Variants in RNF111 observed in about 807,000 individuals in gnomAD.
The protein encoded by RNF111 is ring finger protein 111.
In RNF111, 17 loss-of-function variants were observed where a neutral mutation model predicts 95.1. The observed-to-expected ratio is 0.18, with a 90% CI of 0.12 to 0.27. The LOEUF is 0.27. Among genes scored for constraint, RNF111 ranks in the 10% least tolerant of loss-of-function variants. RNF111 has a pLI of 1.00. For missense variants in RNF111, 1,189 were observed against 1,210.4 expected (o/e 0.98, Z 0.26); for synonymous variants, 440 against 414.8 (o/e 1.06, Z -0.74).
chr15:59,085,323 C>A (rs891718315), intron 9 of RNF111, among the ~76,000 whole-genome samples: 4 of 152,078 alleles, frequency 2.6e-5, no homozygotes, highest in Non-Finnish European at 5.9e-5. Flanking sequence ...TTCAGATACA[C>A]CAAAAAAGTA....
At chr15:59,041,049 T>C (rs1482992427) in intron 2 of RNF111, among the ~76,000 whole-genome samples, 1 of 152,152 alleles carries the variant, frequency 6.6e-6, no homozygotes, top group African/African-American at 2.4e-5. Context: ...TGTCTCTTGC[T>C]TTTTTCACTT....
chr15:59,043,413 T>C (rs578109686), intron 2 of RNF111, among the ~76,000 whole-genome samples: 33 of 152,316 alleles, frequency 2.2e-4, no homozygotes, highest in African/African-American at 7.5e-4. Flanking sequence ...TGCCTTGGCC[T>C]TGCAAAGTGC....
intron 7 of RNF111, among the ~76,000 whole-genome samples, chr15:59,078,718 G>A (rs948860466): frequency 2.0e-5 from 3 of 152,156 alleles, no homozygotes; most frequent in African/African-American, 7.2e-5. Flanking sequence ...AACTAGCCGG[G>A]TGTGGTGGCA....
At chr15:59,028,390 TCA>T (rs2040731783) in intron 1 of RNF111, among the ~76,000 whole-genome samples, 5 of 152,152 alleles carry the variant, frequency 3.3e-5, no homozygotes, top group Non-Finnish European at 5.9e-5. Flanking sequence ...GTTTTTTTTT[TCA>T]TATACCTACA....
In RNF111 at chr15:59,031,380, G is replaced by T; in HGVS notation, c.558G>T (p.Arg186=). The T allele has an allele frequency of 6.2e-7, 1 of 1,614,156 alleles. No homozygotes were observed. Among genetic ancestry groups the T allele is most frequent in the Non-Finnish European group, 8.5e-7 (1 of 1,180,038 alleles). The stretch of plus-strand genomic sequence containing the variant: ...GTGCACGGTCTCATAAGTGGCCTCG[G>T]ACTGAGACAGAATCTGTATCGGGAT... ...SHSARSHKWP[R]TETESVSGLL... The change falls in exon 2 of 14, where the codon CGG becomes CGT. Residue 186 remains arginine, a synonymous_variant. Coordinates refer to ENST00000348370, the MANE Select transcript of RNF111 (RefSeq NM_017610.8).
chr15:59,010,377 C>T (rs1329808152), intron 1 of RNF111, among the ~76,000 whole-genome samples: 2 of 151,908 alleles, frequency 1.3e-5, no homozygotes, highest in Non-Finnish European at 2.9e-5. Context: ...AGATGGATTC[C>T]ACATCTGTTT....
chr15:59,001,443 C>A (rs1023538235), intron 1 of RNF111, among the ~76,000 whole-genome samples: 6 of 151,952 alleles, frequency 3.9e-5, no homozygotes, highest in African/African-American at 1.2e-4. Context: ...AAAAAAAATT[C>A]TTTTTACTAT....
At chr15:59,054,579 A>C (rs1244695350) in intron 3 of RNF111, among the ~76,000 whole-genome samples, 1 of 152,172 alleles carries the variant, frequency 6.6e-6, no homozygotes. Flanking sequence ...CTATACCACA[A>C]CTGTTTCTGA....
In RNF111 at chr15:59,016,128, C is replaced by T. The variant is rs192975546; in HGVS notation, c.-19-14676C>T. On this transcript the variant is annotated intron_variant, in intron 1 of 13. Transcript: ENST00000348370. ...CTAGGATTACAGGCATGAGTCACTG[C>T]TCCTGGCCAATTTTGGTTAAAAAAT... 8.6e-5 allele frequency among the ~76,000 whole-genome samples: 13 copies of T among 151,266 alleles called. No individual in the cohort carries two copies. The East Asian group carries it at 1.9e-3, about 23-fold the overall frequency.
chr15:59,089,108 G>T (rs1449414777), intron 10 of RNF111, among the ~76,000 whole-genome samples: 1 of 152,102 alleles, frequency 6.6e-6, no homozygotes, highest in Non-Finnish European at 1.5e-5. Context: ...TCATATCCAC[G>T]AATGACTCTG....
At chr15:59,073,008 C>T (rs1236932258) in intron 6 of RNF111, among the ~76,000 whole-genome samples, 1 of 151,896 alleles carries the variant, frequency 6.6e-6, no homozygotes, top group Non-Finnish European at 1.5e-5. Context: ...TCTGTCTCTA[C>T]AAAAAATCTA....
chr15:59,095,024 C>T lies in RNF111; in HGVS notation c.*124C>T. The T allele has an allele frequency of 6.8e-6, 5 of 729,944 alleles. No homozygotes were observed. Among genetic ancestry groups the T allele is most frequent in the Non-Finnish European group, 1.2e-5 (5 of 403,092 alleles). The allele number at this position is 729,944 out of a possible 1,614,324, so 45.2% of individuals were successfully genotyped here. A position where few individuals can be genotyped will look rare whatever the true frequency, so the allele number is the denominator to read the frequency against. On this transcript the variant is annotated 3_prime_UTR_variant, in exon 14 of 14. Coordinates refer to ENST00000348370, the MANE Select transcript of RNF111 (RefSeq NM_017610.8). ...CATTGAACTTAGAGTGCTGGCTCTG[C>T]TATATGGTACAACTAATGCTAGACC...
intron 1 of RNF111, among the ~76,000 whole-genome samples, chr15:59,015,150 T>A (rs540142415): frequency 6.4e-4 from 97 of 152,324 alleles, no homozygotes; most frequent in Middle Eastern, 3.4e-3. Context: ...TCGAATTTTT[T>A]AAATTCTGAT....
Position 59,031,434 on chromosome 15 carries a change from C to T in RNF111, c.612C>T (p.Gly204=), listed in dbSNP as rs776343594. Residue 204 remains glycine, a synonymous_variant, in exon 2 of 14, where the codon GGC becomes GGT. Coordinates refer to ENST00000348370, the MANE Select transcript of RNF111 (RefSeq NM_017610.8). Reference sequence around the variant, plus strand: ...TAATGAAAAGACCCTGTTTACATGGCAGTTCGTTACGGAGACTTCCATGCA... The same window carrying T: ...TAATGAAAAGACCCTGTTTACATGGTAGTTCGTTACGGAGACTTCCATGCA... ...GLLMKRPCLH[G]SSLRRLPCRK... The T allele has an allele frequency of 1.9e-6, 3 of 1,614,166 alleles. No individual in the cohort carries two copies. The highest frequency in any genetic ancestry group is 2.2e-5 in the South Asian group (2 of 91,078).
intron 1 of RNF111, among the ~76,000 whole-genome samples, chr15:59,001,726 C>G (rs1339842988): frequency 1.3e-5 from 2 of 152,078 alleles, no homozygotes; most frequent in African/African-American, 2.4e-5. Context: ...TTACAGAACA[C>G]CTACAAAACA....
intron 5 of RNF111, 24 bp downstream of exon 5, chr15:59,058,574 G>T: frequency 6.3e-7 from 1 of 1,594,826 alleles, no homozygotes; most frequent in Non-Finnish European, 8.6e-7. Flanking sequence ...TGGGGGAGGG[G>T]AGACTTTTTG....
At chr15:59,055,903 C>A in intron 4 of RNF111, 58 bp downstream of exon 4, 1 of 1,400,802 alleles carries the variant, frequency 7.1e-7, no homozygotes, top group Non-Finnish European at 9.7e-7. Context: ...AAGGAAATCT[C>A]TTAATATGCT....
intron 8 of RNF111, chr15:59,083,887 G>T: frequency 4.2e-6 from 1 of 240,382 alleles, no homozygotes; most frequent in Non-Finnish European, 7.7e-6. Flanking sequence ...TTTTTCCTTG[G>T]GTGATATTTG....
intron 10 of RNF111, among the ~76,000 whole-genome samples, chr15:59,086,036 T>C (rs1354725224): frequency 1.3e-5 from 2 of 151,704 alleles, no homozygotes; most frequent in Non-Finnish European, 2.9e-5. Context: ...AAGATACTCT[T>C]AATCCACTGT....
Sources: gnomAD v4.1 joint callset for allele counts (sites outside exome capture counted in the v4.1 genomes callset) on GRCh38, gnomAD v4.1.1 for gene constraint, MANE v1.5 for transcripts, NCBI Gene and HGNC (gene_info 2026-07-23, HGNC 2026-07-21) for gene names.